ZNF892: variants seen among roughly 807,000 people sequenced by gnomAD.
ZNF892 encodes the protein zinc finger protein 892.
At chr2:95,227,600 G>A in the ZNF892 span, among the ~76,000 whole-genome samples, 28 of 151,306 alleles carry the variant, frequency 1.9e-4, no homozygotes, top group Non-Finnish European at 1.5e-5. Context: ...GGGATTACAG[G>A]CCTGAGCCAC....
the ZNF892 span, among the ~76,000 whole-genome samples, chr2:95,244,771 A>G: frequency 3.3e-5 from 5 of 152,210 alleles, no homozygotes; most frequent in African/African-American, 1.2e-4. Context: ...ATACTCTAAA[A>G]TTGATCACAT....
the ZNF892 span, among the ~76,000 whole-genome samples, chr2:95,228,845 C>G: frequency 6.6e-6 from 1 of 152,116 alleles, no homozygotes. Context: ...TTGGAAACTG[C>G]TTAGAGTAAA....
At chr2:95,222,580 G>A in the ZNF892 span, among the ~76,000 whole-genome samples, 1 of 152,206 alleles carries the variant, frequency 6.6e-6, no homozygotes, top group Non-Finnish European at 1.5e-5. Flanking sequence ...AGTGACTAAT[G>A]ATGTTGAGCA....
the ZNF892 span, chr2:95,232,196 T>C: frequency 1.1e-3 from 171 of 152,370 alleles, 1 homozygote; most frequent in African/African-American, 4.0e-3. Flanking sequence ...GACGTACTTC[T>C]GCGACTTTCG....
At chr2:95,234,770 T>C in the ZNF892 span, among the ~76,000 whole-genome samples, 5 of 152,386 alleles carry the variant, frequency 3.3e-5, no homozygotes, top group South Asian at 1.0e-3. Flanking sequence ...TACTTGTACC[T>C]TTTAAAATGT....
At chr2:95,253,919 C>T in the ZNF892 span, among the ~76,000 whole-genome samples, 4 of 152,094 alleles carry the variant, frequency 2.6e-5, no homozygotes, top group Non-Finnish European at 5.9e-5. Context: ...GTGATTTTTG[C>T]ACATTGATTT....
the ZNF892 span, among the ~76,000 whole-genome samples, chr2:95,216,154 A>C: frequency 2.0e-5 from 3 of 152,166 alleles, no homozygotes; most frequent in East Asian, 5.8e-4. Flanking sequence ...TATGAGAACT[A>C]CTCAACTGAA....
the ZNF892 span, among the ~76,000 whole-genome samples, chr2:95,256,246 A>C: frequency 6.6e-6 from 1 of 151,988 alleles, no homozygotes; most frequent in African/African-American, 2.4e-5. Flanking sequence ...TTCCTTCAGG[A>C]GCTCTTTTAG....
the ZNF892 span, among the ~76,000 whole-genome samples, chr2:95,255,510 A>G: frequency 2.0e-5 from 3 of 152,136 alleles, no homozygotes; most frequent in Non-Finnish European, 2.9e-5. Flanking sequence ...TATGTGGTCA[A>G]TTTTGGAATA....
the ZNF892 span, among the ~76,000 whole-genome samples, chr2:95,250,819 A>G: frequency 1.4e-5 from 2 of 146,254 alleles, no homozygotes; most frequent in East Asian, 2.0e-4. Context: ...ATAAATAATT[A>G]TAAATATTCA....
At chr2:95,231,712 A>G in the ZNF892 span, among the ~76,000 whole-genome samples, 11 of 152,164 alleles carry the variant, frequency 7.2e-5, no homozygotes, top group Admixed American at 7.2e-4. Flanking sequence ...TCTCTGTACT[A>G]TTACTGAGCT....
chr2:95,236,021 T>G, the ZNF892 span, among the ~76,000 whole-genome samples: 2 of 152,186 alleles, frequency 1.3e-5, no homozygotes, highest in African/African-American at 4.8e-5. Flanking sequence ...GGAAGTAGCC[T>G]TCTTTATTCA....
chr2:95,256,670 C>T, the ZNF892 span, among the ~76,000 whole-genome samples: 1 of 152,206 alleles, frequency 6.6e-6, no homozygotes, highest in Admixed American at 6.5e-5. Flanking sequence ...AGAGTGTTTT[C>T]CAACTTGGTT....
At chr2:95,241,037 T>G in the ZNF892 span, among the ~76,000 whole-genome samples, 1 of 152,096 alleles carries the variant, frequency 6.6e-6, no homozygotes, top group Non-Finnish European at 1.5e-5. Context: ...GGGACAGCTA[T>G]CTCTGTGATT....
the ZNF892 span, among the ~76,000 whole-genome samples, chr2:95,261,870 G>A: frequency 6.6e-6 from 1 of 152,188 alleles, no homozygotes; most frequent in African/African-American, 2.4e-5. Context: ...CAAGTTCCAG[G>A]GCCAAGGCTG....
the ZNF892 span, among the ~76,000 whole-genome samples, chr2:95,258,008 G>A: frequency 6.6e-6 from 1 of 152,162 alleles, no homozygotes; most frequent in East Asian, 1.9e-4. Flanking sequence ...CTGACCCCTT[G>A]CGCTTCCCGG....
chr2:95,263,282 A>G, the ZNF892 span, among the ~76,000 whole-genome samples: 1 of 152,156 alleles, frequency 6.6e-6, no homozygotes, highest in African/African-American at 2.4e-5. Context: ...AACAGCCTAG[A>G]TTCTACCACA....
At chr2:95,242,988 T>G in the ZNF892 span, among the ~76,000 whole-genome samples, 1 of 152,324 alleles carries the variant, frequency 6.6e-6, no homozygotes, top group South Asian at 2.1e-4. Flanking sequence ...TGTCTGCGAT[T>G]GCAGGCGCGC....
chr2:95,262,021 A>G, the ZNF892 span, among the ~76,000 whole-genome samples: 1 of 152,236 alleles, frequency 6.6e-6, no homozygotes, highest in Admixed American at 6.5e-5. Context: ...AAGAGAAGAC[A>G]TGAATTATTT....
Sources: gnomAD v4.1 joint callset for allele counts (sites outside exome capture counted in the v4.1 genomes callset) on GRCh38, gnomAD v4.1.1 for gene constraint, MANE v1.5 for transcripts, NCBI Gene and HGNC (gene_info 2026-07-23, HGNC 2026-07-21) for gene names.